The following PTPRC variants were observed in gnomAD, a reference collection of about 807,000 sequenced individuals.
PTPRC encodes protein tyrosine phosphatase receptor type C, also known as receptor-type tyrosine-protein phosphatase C.
PTPRC carries 44 observed loss-of-function variants against 155.9 expected under a neutral mutation model. The observed-to-expected ratio is 0.28, with a 90% CI of 0.22 to 0.36. PTPRC has a LOEUF of 0.36. Among genes scored for constraint, PTPRC ranks in the 10% least tolerant of loss-of-function variants. PTPRC has a pLI of 1.00. For synonymous variants in PTPRC, 525 were observed against 533.1 expected (o/e 0.98, Z 0.21); for missense variants, 1,401 against 1,564.6 (o/e 0.90, Z 1.76).
chr1:198,693,938 C>A, intron 3 of PTPRC: 1 of 1,453,140 alleles, frequency 6.9e-7, no homozygotes, highest in South Asian at 1.4e-5. Context: ...TCTAGAGGGA[C>A]AGAACTAATA....
chr1:198,690,422 G>C (rs1665865095), intron 2 of PTPRC, among the ~76,000 whole-genome samples: 1 of 151,666 alleles, frequency 6.6e-6, no homozygotes, highest in South Asian at 2.1e-4. Flanking sequence ...AAGCTAACTA[G>C]ATAAGAAAAG....
At chr1:198,648,558 C>A (rs1180625245) in intron 2 of PTPRC, among the ~76,000 whole-genome samples, 1 of 151,764 alleles carries the variant, frequency 6.6e-6, no homozygotes, top group Non-Finnish European at 1.5e-5. Context: ...CTGGTAATTT[C>A]TCAGAGGTTG....
At position 198,756,997 on chromosome 1, in the gene PTPRC, AAAAT is replaced by A. The variant is rs1290003111; in HGVS notation, c.*825_*828del. The A allele has an allele frequency of 7.2e-5, 11 of 151,950 alleles. No individual in the cohort carries two copies. Among genetic ancestry groups the A allele is most frequent in the African/African-American group, 2.7e-4 (11 of 41,444 alleles). The allele number at this position is 151,950 out of a possible 1,614,324, so 9.4% of individuals were successfully genotyped here. A position where few individuals can be genotyped will look rare whatever the true frequency, so the allele number is the denominator to read the frequency against. On this transcript the variant is annotated 3_prime_UTR_variant, in exon 33 of 33. Coordinates refer to ENST00000442510, the MANE Select transcript of PTPRC (RefSeq NM_002838.5). ...CAATTGAACTTAAATAAATGTCATT[AAAAT>A]AAATAAATGCAATATGTATTAATAT... is the stretch of plus-strand genomic sequence containing the variant.
At chr1:198,692,179 G>T (rs1052992957) in intron 2 of PTPRC, among the ~76,000 whole-genome samples, 168 bp from the exon 3 acceptor site, 1 of 151,894 alleles carries the variant, frequency 6.6e-6, no homozygotes, top group Non-Finnish European at 1.5e-5. Flanking sequence ...TTGTAAACAT[G>T]GTACTAAGAG....
At chr1:198,659,792 T>C (rs1663837816) in intron 2 of PTPRC, among the ~76,000 whole-genome samples, 1 of 151,882 alleles carries the variant, frequency 6.6e-6, no homozygotes, top group South Asian at 2.1e-4. Flanking sequence ...TCTGCCCGCC[T>C]TGGCCTCCCA....
rs918664782 is a variant in PTPRC, at chr1:198,752,287, A to T, written c.3246A>T (p.Thr1082=). The part of the protein sequence containing the change: ...CAQYWGEGKQ[T]YGDIEVDLKD... ...AGTACTGGGGAGAAGGAAAGCAAACATATGGAGATATTGAAGTTGACCTGA... is the reference window on the plus strand; with the variant it reads ...AGTACTGGGGAGAAGGAAAGCAAACTTATGGAGATATTGAAGTTGACCTGA... The change falls in exon 30 of 33, where the codon ACA becomes ACT. Residue 1082 remains threonine, a synonymous_variant. Transcript: ENST00000442510. The T allele has an allele frequency of 1.9e-6, 3 of 1,611,840 alleles. No homozygotes were observed. Among genetic ancestry groups the T allele is most frequent in the Non-Finnish European group, 2.5e-6 (3 of 1,178,354 alleles).
intron 2 of PTPRC, among the ~76,000 whole-genome samples, chr1:198,652,385 G>T (rs1663300627): frequency 6.6e-6 from 1 of 151,788 alleles, no homozygotes; most frequent in South Asian, 2.1e-4. Context: ...AGATAATCGT[G>T]CATGTAGGCA....
Position 198,653,102 on chromosome 1 carries a change from A to G in PTPRC, c.73+13761A>G, listed in dbSNP as rs537102601. On this transcript the variant is annotated intron_variant, in intron 2 of 32. Coordinates refer to ENST00000442510, the MANE Select transcript of PTPRC (RefSeq NM_002838.5). ...GTAAAGGTATTTTCTATTAATATCAATTTAACTGTACATATCTTCCCATCT... is the reference window on the plus strand; with the variant it reads ...GTAAAGGTATTTTCTATTAATATCAGTTTAACTGTACATATCTTCCCATCT... Among the ~76,000 whole-genome samples, 3 of 151,980 alleles carry G rather than the reference A, an allele frequency of 2.0e-5. No individual in the cohort carries two copies. The South Asian group carries it at 6.2e-4, about 31-fold the overall frequency.
At chr1:198,702,894 C>T (rs554538315) in intron 6 of PTPRC, among the ~76,000 whole-genome samples, 2 of 152,232 alleles carry the variant, frequency 1.3e-5, no homozygotes, top group South Asian at 4.1e-4. Context: ...TAATAACACT[C>T]CTTTTTTAAT....
At chr1:198,664,045 G>A (rs2102265531) in intron 2 of PTPRC, among the ~76,000 whole-genome samples, 1 of 152,062 alleles carries the variant, frequency 6.6e-6, no homozygotes, top group Non-Finnish European at 1.5e-5. Context: ...GTATGTTAAA[G>A]ATGCTATGGG....
chr1:198,666,691 C>A (rs1664330240), intron 2 of PTPRC, among the ~76,000 whole-genome samples: 1 of 152,112 alleles, frequency 6.6e-6, no homozygotes, highest in Non-Finnish European at 1.5e-5. Flanking sequence ...ACAAGCAAAG[C>A]AATCTTAACA....
At chr1:198,745,342 G>C (rs759671614) in intron 26 of PTPRC, among the ~76,000 whole-genome samples, 92 of 151,782 alleles carry the variant, frequency 6.1e-4, no homozygotes, top group Non-Finnish European at 9.0e-4. Flanking sequence ...CATTTAAGCA[G>C]ACAGTAAGAC....
intron 2 of PTPRC, among the ~76,000 whole-genome samples, chr1:198,690,880 C>T (rs556949719): frequency 3.0e-4 from 45 of 152,182 alleles, no homozygotes; most frequent in African/African-American, 1.1e-3. Flanking sequence ...ATCTAGTTCC[C>T]ATCATGCCAA....
chr1:198,753,340 A>G (rs1419823995), intron 31 of PTPRC, among the ~76,000 whole-genome samples: 1 of 152,042 alleles, frequency 6.6e-6, no homozygotes, highest in Non-Finnish European at 1.5e-5. Context: ...TAGTTTCTTC[A>G]TCTGTGATAG....
At chr1:198,735,865 G>A (rs1448862167) in intron 23 of PTPRC, among the ~76,000 whole-genome samples, 3 of 151,518 alleles carry the variant, frequency 2.0e-5, no homozygotes, top group Non-Finnish European at 4.4e-5. Context: ...GAAATGGGGA[G>A]TGGCTGCAAA....
intron 11 of PTPRC, among the ~76,000 whole-genome samples, chr1:198,712,059 ATAG>A (rs1653339208): frequency 6.6e-6 from 1 of 152,234 alleles, no homozygotes; most frequent in Non-Finnish European, 1.5e-5. Flanking sequence ...AGATGCATTC[ATAG>A]TAGCCAAAAC....
intron 14 of PTPRC, among the ~76,000 whole-genome samples, chr1:198,719,304 A>G (rs1356929810): frequency 2.0e-5 from 3 of 151,780 alleles, no homozygotes; most frequent in East Asian, 1.9e-4. Context: ...AAGTTTCTTT[A>G]CTTATTGTTC....
At chr1:198,646,446 T>C (rs1557963111) in intron 2 of PTPRC, among the ~76,000 whole-genome samples, 2 of 151,886 alleles carry the variant, frequency 1.3e-5, no homozygotes, top group Non-Finnish European at 2.9e-5. Context: ...ATTTTCTGTG[T>C]GTAGTTTTGG....
At chr1:198,641,406 A>G (rs75567729) in intron 2 of PTPRC, among the ~76,000 whole-genome samples, 12,702 of 152,148 alleles carry the variant, frequency 0.083, 704 homozygotes, top group Middle Eastern at 0.12. Flanking sequence ...TTTGGGGAAC[A>G]AAATTTATAT....
Sources: gnomAD v4.1 joint callset for allele counts (sites outside exome capture counted in the v4.1 genomes callset) on GRCh38, gnomAD v4.1.1 for gene constraint, MANE v1.5 for transcripts, NCBI Gene and HGNC (gene_info 2026-07-23, HGNC 2026-07-21) for gene names.